The following ZC3H12A variants were observed in gnomAD, a reference collection of about 807,000 sequenced individuals.
ZC3H12A encodes endoribonuclease ZC3H12A.
A neutral mutation model predicts 29.9 loss-of-function variants in ZC3H12A; 9 were observed. That is an observed-to-expected ratio of 0.30 (90% CI 0.18 to 0.53). The LOEUF (loss-of-function observed/expected upper bound fraction) is 0.53. Ranked by LOEUF, ZC3H12A falls within the 20% of genes least tolerant of loss-of-function variation. The pLI is 0.96. For missense variants in ZC3H12A, 617 were observed against 799.0 expected, an observed-to-expected ratio of 0.77 and a Z score of 2.75; for synonymous variants, 323 against 338.1, an observed-to-expected ratio of 0.96 and a Z score of 0.49.
chr1:37,474,919 G>T (rs1641550553), intron 1 of ZC3H12A, among the ~76,000 whole-genome samples: 1 of 152,232 alleles, frequency 6.6e-6, no homozygotes, highest in South Asian at 2.1e-4. Flanking sequence ...GCTCCCGGCA[G>T]CCAACCAAAG....
rs534482831 is a variant in ZC3H12A at position 37,475,201 on chromosome 1, A to G, written c.-38-258A>G. Among the ~76,000 whole-genome samples, 6 of 152,326 alleles carry G rather than the reference A, an allele frequency of 3.9e-5. No individual in the cohort carries two copies. Among genetic ancestry groups the G allele is most frequent in the African/African-American group, 1.2e-4 (5 of 41,588 alleles). On this transcript the variant is annotated intron_variant, in intron 1 of 5. Coordinates refer to ENST00000373087, the MANE Select transcript of ZC3H12A (RefSeq NM_025079.3). This position sits in a 1 kb window ranked among gnomAD's most constrained non-coding sequence, Gnocchi z 5.2. ...GCTGGGGTAGTTCCAGTCTTAGTTC[A>G]GACTAAGTTCCGATCTTCGAGCCAC...
rs1362344696 is a variant in ZC3H12A at position 37,483,232 on chromosome 1, A to G, written c.1421A>G (p.Tyr474Cys). 1.2e-6 allele frequency: 2 copies of G among 1,613,672 alleles called. No homozygotes were observed. Among genetic ancestry groups the G allele is most frequent in the Non-Finnish European group, 1.7e-6 (2 of 1,179,950 alleles). ...GCCCCTTACACGGGCTACAGTCCCT[A>G]TGGATCTGAGCTCCCAGCCACCGCA... ...PRAPYTGYSP[Y>C]GSELPATAAF... Residue 474 changes from tyrosine to cysteine, a missense_variant, in exon 6 of 6, where the codon TAT (tyrosine) becomes TGT (cysteine). Transcript: ENST00000373087.
intron 2 of ZC3H12A, among the ~76,000 whole-genome samples, chr1:37,477,708 G>A (rs1019017277): frequency 3.9e-5 from 6 of 152,178 alleles, no homozygotes; most frequent in African/African-American, 1.4e-4. Context: ...TGCTTAGCCC[G>A]GCTGGGGGAC....
Position 37,475,628 on chromosome 1 carries a change from G to A in ZC3H12A, c.132G>A (p.Ser44=), listed in dbSNP as rs564601935. The change falls in exon 2 of 6, where the codon TCG becomes TCA. Residue 44 remains serine, a synonymous_variant. Coordinates refer to ENST00000373087, the MANE Select transcript of ZC3H12A (RefSeq NM_025079.3). This position sits in a 1 kb window ranked among gnomAD's most constrained non-coding sequence, Gnocchi z 5.2. ...PGQELAAEEA[S]ALELQMKVDF... ...AAGAGCTGGCCGCTGAGGAGGCCTC[G>A]GCCCTGGAACTGCAGATGAAGGTGG... is the stretch of plus-strand genomic sequence containing the variant. 21 of 1,614,090 alleles carry A rather than the reference G, an allele frequency of 1.3e-5. No homozygotes were observed. Among genetic ancestry groups the A allele is most frequent in the Non-Finnish European group, 1.5e-5 (18 of 1,180,048 alleles).
In ZC3H12A at chr1:37,479,617, T is replaced by C; in HGVS notation, c.444-673T>C. The C allele has an allele frequency of 1.0e-6, 1 of 985,448 alleles. No homozygotes were observed. The highest frequency in any genetic ancestry group is 1.2e-6 in the Non-Finnish European group (1 of 829,930). The allele number at this position is 985,448 out of a possible 1,614,324, so 61.0% of individuals were successfully genotyped here. On this transcript the variant is annotated intron_variant, in intron 2 of 5. Coordinates refer to ENST00000373087, the MANE Select transcript of ZC3H12A (RefSeq NM_025079.3). The surrounding 1 kb of genome is among the most constrained non-coding windows in gnomAD (Gnocchi z 4.5). ...TCCTTTCACTTTCAGACTGAAAGGC[T>C]CCTGGGGAACTTGCTTCACTCCGGC...
rs776382697 is a variant in ZC3H12A at position 37,480,276 on chromosome 1, C to G, written c.444-14C>G. 1.2e-5 allele frequency: 19 copies of G among 1,609,516 alleles called. No homozygotes were observed. The highest frequency in any genetic ancestry group is 1.4e-5 in the Non-Finnish European group (17 of 1,177,384). On this transcript the variant is annotated splice_polypyrimidine_tract_variant and intron_variant, in intron 2 of 5. Transcript: ENST00000373087. ...GGCCATCAGTGTGGGCTAACCCTGT[C>G]CTCTCCCTCCCAGCCATGGGAACAA...
rs138323365 is a variant in ZC3H12A, at chr1:37,481,728, C to T, written c.711C>T (p.Asp237=). 1.4e-3 allele frequency: 2,319 copies of T among 1,614,238 alleles called. 24 individuals are homozygous for T. The highest frequency in any genetic ancestry group is 7.5e-4 in the Non-Finnish European group (887 of 1,180,036). The change falls in exon 4 of 6, where the codon GAC becomes GAT. Residue 237 remains aspartate (D), a synonymous_variant. Transcript: ENST00000373087. ...TTGTGAAGCTGGCCTACGAGTCTGACGGGATCGTGGTTTCCAACGACACAT... is the reference window on the plus strand; with the variant it reads ...TTGTGAAGCTGGCCTACGAGTCTGATGGGATCGTGGTTTCCAACGACACAT... ...RFIVKLAYES[D]GIVVSNDTYR...
Position 37,481,825 on chromosome 1 carries a change from G to A in ZC3H12A, c.808G>A (p.Val270Ile), listed in dbSNP as rs781536745. 4.3e-6 allele frequency: 7 copies of A among 1,613,678 alleles called. No homozygotes were observed. The highest frequency in any genetic ancestry group is 1.1e-5 in the South Asian group (1 of 91,040). Residue 270 changes from valine (V) to isoleucine (I), a missense_variant, in exon 4 of 6, where the codon GTC becomes ATC. Val to Ile is a conservative substitution (Grantham distance 29, BLOSUM62 3). Around this residue, in one of 5 missense-constraint regions of ZC3H12A, gnomAD observed 255 missense variants for 402.5 expected, o/e 0.63. Coordinates refer to ENST00000373087, the MANE Select transcript of ZC3H12A (RefSeq NM_025079.3). ...GGAGCGGCTGCTCATGTACTCCTTC[G>A]TCAATGACAAGTATGTTCCCTCCCA... ...IEERLLMYSF[V>I]NDKFMPPDDP...
chr1:37,483,546 C>T lies in ZC3H12A; in HGVS notation c.1735C>T (p.Leu579Phe). 2 of 1,613,484 alleles carry T rather than the reference C, an allele frequency of 1.2e-6. No individual in the cohort carries two copies. Among genetic ancestry groups the T allele is most frequent in the Non-Finnish European group, 8.5e-7 (1 of 1,179,892 alleles). ...GGCTGTGATGGGGCGCTTCCCACAG[C>T]TCCTGGACCCCCAGCAGCTGGCTGC... is the stretch of plus-strand genomic sequence containing the variant. ...VEAVMGRFPQ[L>F]LDPQQLAAEI... The change falls in exon 6 of 6, where the codon CTC (leucine) becomes TTC (phenylalanine). Residue 579 changes from leucine (L) to phenylalanine (F), a missense_variant. Physicochemically the swap from Leu to Phe is conservative, Grantham distance 22. Around this residue, in one of 5 missense-constraint regions of ZC3H12A, gnomAD observed 172 missense variants for 203.1 expected, o/e 0.85. Coordinates refer to ENST00000373087, the MANE Select transcript of ZC3H12A (RefSeq NM_025079.3).
chr1:37,478,600 C>G lies in ZC3H12A; in HGVS notation c.444-1690C>G, dbSNP rs559145243. 3.9e-5 allele frequency among the ~76,000 whole-genome samples: 6 copies of G among 152,206 alleles called. No individual in the cohort carries two copies. Among genetic ancestry groups the G allele is most frequent in the African/African-American group, 1.4e-4 (6 of 41,444 alleles). On this transcript the variant is annotated intron_variant, in intron 2 of 5. Coordinates refer to ENST00000373087, the MANE Select transcript of ZC3H12A (RefSeq NM_025079.3). The surrounding 1 kb of genome is among the most constrained non-coding windows in gnomAD (Gnocchi z 5.2). ...TGCGATCAGGGTCTGTGCCTGCCTT[C>G]GTACCTGCCTGAGCATTGACGTACA...
Position 37,482,907 on chromosome 1 carries a change from T to G in ZC3H12A, c.1096T>G (p.Ser366Ala). ...GCCTTCACCTTCATCCCAGTCCAGC[T>G]CTCTGCTAACAGAGAGTGAGCAGTG... is the stretch of plus-strand genomic sequence containing the variant. ...RRPSPSSQSS[S>A]LLTESEQCSL... The change falls in exon 6 of 6, where the codon TCT becomes GCT. Residue 366 changes from serine (S) to alanine (A), a missense_variant. Ser to Ala is a moderately conservative substitution (Grantham distance 99). Transcript: ENST00000373087. 6.2e-7 allele frequency: 1 copy of G among 1,613,692 alleles called. No individual in the cohort carries two copies. The highest frequency in any genetic ancestry group is 8.5e-7 in the Non-Finnish European group (1 of 1,180,022).
At position 37,476,751 on chromosome 1, in the gene ZC3H12A, C is replaced by T. The variant is rs534432224; in HGVS notation, c.443+812C>T. ...GAAACCCAGACTTCTCCCGTCAATC[C>T]AGGCTCCACCCTCTGGCCCCACTTT... On this transcript the variant is annotated intron_variant, in intron 2 of 5. Coordinates refer to ENST00000373087, the MANE Select transcript of ZC3H12A (RefSeq NM_025079.3). This position sits in a 1 kb window ranked among gnomAD's most constrained non-coding sequence, Gnocchi z 6.0. Among the ~76,000 whole-genome samples, 1 of 152,346 alleles carries T rather than the reference C, an allele frequency of 6.6e-6. No individual in the cohort carries two copies. The highest frequency in any genetic ancestry group is 1.9e-4 in the East Asian group (1 of 5,176).
In ZC3H12A at chr1:37,476,511, G is replaced by A. The variant is rs569641579; in HGVS notation, c.443+572G>A. On this transcript the variant is annotated intron_variant, in intron 2 of 5. Coordinates refer to ENST00000373087, the MANE Select transcript of ZC3H12A (RefSeq NM_025079.3). This position sits in a 1 kb window ranked among gnomAD's most constrained non-coding sequence, Gnocchi z 6.0. The stretch of plus-strand genomic sequence containing the variant: ...GGCTGGGTCCAGCTTTACATGGGTT[G>A]TGGGCAGGTGGCCTGATGCTCTGGC... Among the ~76,000 whole-genome samples the A allele has an allele frequency of 2.0e-5, 3 of 152,276 alleles. No homozygotes were observed. The highest frequency in any genetic ancestry group is 7.2e-5 in the African/African-American group (3 of 41,556).
rs148245817 is a variant in ZC3H12A, at chr1:37,483,348, G to A, written c.1537G>A (p.Glu513Lys). The change falls in exon 6 of 6, where the codon GAG becomes AAG. Residue 513 changes from glutamate to lysine, a missense_variant. This residue lies in a region of ZC3H12A where 172 missense variants were observed against 203.1 expected (regional missense o/e 0.85). Transcript: ENST00000373087. ...PPAPPAFPPR[E>K]YWSEPYPLPP... Reference sequence around the variant, plus strand: ...CGCGCCCCCTGCCTTTCCACCTCGAGAGTACTGGTCTGAACCATACCCACT... The same window carrying A: ...CGCGCCCCCTGCCTTTCCACCTCGAAAGTACTGGTCTGAACCATACCCACT... 1 of 1,614,122 alleles carries A rather than the reference G, an allele frequency of 6.2e-7. No homozygotes were observed. Among genetic ancestry groups the A allele is most frequent in the Non-Finnish European group, 8.5e-7 (1 of 1,180,000 alleles).
At chr1:37,480,253 C>A in intron 2 of ZC3H12A, 37 bp from the exon 3 acceptor site, 1 of 1,595,234 alleles carries the variant, frequency 6.3e-7, no homozygotes, top group Non-Finnish European at 8.6e-7. Context: ...GGCAGGCTGG[C>A]CATCAGTGTG....
In ZC3H12A at chr1:37,482,549, C is replaced by A; in HGVS notation, c.925+9C>A. The A allele has an allele frequency of 6.2e-7, 1 of 1,613,862 alleles. No homozygotes were observed. Reference sequence around the variant, plus strand: ...GCAGCCGTGTCCCTATGGTATGGAACCCAGCCTGCCCTCCCCGGCCCTCCT... The same window carrying A: ...GCAGCCGTGTCCCTATGGTATGGAAACCAGCCTGCCCTCCCCGGCCCTCCT... On this transcript the variant is annotated intron_variant, in intron 5 of 5. Transcript: ENST00000373087.
At chr1:37,480,921 A>C (rs1641688414) in intron 3 of ZC3H12A, among the ~76,000 whole-genome samples, 1 of 152,318 alleles carries the variant, frequency 6.6e-6, no homozygotes, top group Non-Finnish European at 1.5e-5. Flanking sequence ...GTAAGTGCTG[A>C]GAAGAGTACC....
Position 37,483,125 on chromosome 1 carries a change from G to A in ZC3H12A, c.1314G>A (p.Ser438=), listed in dbSNP as rs746044726. ...ACGTCTCCCAGGATTGCCTGGACTCGGGCATTGGCTCCCTGGAGAGCCAGA... is the reference window on the plus strand; with the variant it reads ...ACGTCTCCCAGGATTGCCTGGACTCAGGCATTGGCTCCCTGGAGAGCCAGA... ...LPYVSQDCLD[S]GIGSLESQMS... Residue 438 remains serine, a synonymous_variant, in exon 6 of 6, where the codon TCG becomes TCA. Coordinates refer to ENST00000373087, the MANE Select transcript of ZC3H12A (RefSeq NM_025079.3). 29 of 1,613,420 alleles carry A rather than the reference G, an allele frequency of 1.8e-5. No individual in the cohort carries two copies. The South Asian group carries it at 1.9e-4, about 10-fold the overall frequency.
In ZC3H12A at chr1:37,479,780, T is replaced by A; in HGVS notation, c.444-510T>A. 3 of 985,390 alleles carry A rather than the reference T, an allele frequency of 3.0e-6. No homozygotes were observed. Among genetic ancestry groups the A allele is most frequent in the Non-Finnish European group, 3.6e-6 (3 of 829,918 alleles). 61.0% of individuals were successfully genotyped at this position (985,390 alleles called of 1,614,324 possible). ...GTTTCTCCTCGGTCAGCCCAGCCGG[T>A]GCTTCCCCCGCCCCCACCCACGCTG... On this transcript the variant is annotated intron_variant, in intron 2 of 5. Coordinates refer to ENST00000373087, the MANE Select transcript of ZC3H12A (RefSeq NM_025079.3). This position sits in a 1 kb window ranked among gnomAD's most constrained non-coding sequence, Gnocchi z 4.5.
Sources: allele counts gnomAD v4.1 joint callset (sites outside exome capture counted in the v4.1 genomes callset), GRCh38; gene constraint gnomAD v4.1.1; regional missense constraint gnomAD v4.1.1; non-coding constraint Gnocchi (gnomAD v3.1); transcripts MANE v1.5; gene names NCBI Gene and HGNC (gene_info 2026-07-23, HGNC 2026-07-21).